Variants in TMEM117 observed in about 807,000 individuals in gnomAD.
TMEM117 encodes the protein transmembrane protein 117.
TMEM117 carries 27 observed loss-of-function variants against 52.4 expected under a neutral mutation model. The observed-to-expected ratio is 0.51, with a 90% CI of 0.38 to 0.71. The LOEUF (loss-of-function observed/expected upper bound fraction) is 0.71, where lower values mean the gene tolerates loss of function less well. Among genes scored for constraint, TMEM117 ranks in the 30% least tolerant of loss-of-function variants. The pLI is 0.00. For synonymous variants in TMEM117, 215 were observed against 206.3 expected (o/e 1.04, Z -0.36); for missense variants, 556 against 630.5 (o/e 0.88, Z 1.26).
At chr12:43,996,434 G>C (rs913623794) in intron 3 of TMEM117, among the ~76,000 whole-genome samples, 3 of 152,084 alleles carry the variant, frequency 2.0e-5, no homozygotes, top group Admixed American at 6.6e-5. Flanking sequence ...ACAAGGTCAG[G>C]AGATCAAGAC....
At chr12:44,102,998 GTT>G (rs1219072634) in intron 3 of TMEM117, among the ~76,000 whole-genome samples, 1 of 151,948 alleles carries the variant, frequency 6.6e-6, no homozygotes, top group Non-Finnish European at 1.5e-5. Context: ...ATGATTGTAA[GTT>G]TCCTGAGGCC....
intron 5 of TMEM117, among the ~76,000 whole-genome samples, chr12:44,277,761 C>CCT (rs1163250166): frequency 1.0e-5 from 1 of 95,504 alleles, no homozygotes; most frequent in African/African-American, 4.5e-5. Context: ...AAACTCTGAG[C>CCT]TTTTTTTTTT....
rs1944457503 is a variant in TMEM117, at chr12:43,909,594, C to A, written c.278-34616C>A. 4.6e-5 allele frequency among the ~76,000 whole-genome samples: 7 copies of A among 150,788 alleles called. No individual in the cohort carries two copies. In the South Asian group the frequency reaches 1.5e-3, roughly 32 times the overall value. On this transcript the variant is annotated intron_variant, in intron 2 of 7. Transcript: ENST00000266534. ...TGAAAGGATCAACAAAATTGATAGA[C>A]CGCTAGCAAGACTAATAAAGAAAAA...
intron 5 of TMEM117, among the ~76,000 whole-genome samples, chr12:44,216,005 C>CTTTTTTTTTTTTTTTTTTTTTTT (rs778425747): frequency 7.2e-5 from 8 of 110,840 alleles, no homozygotes; most frequent in South Asian, 3.0e-4. Context: ...TTCTTTCTTT[C>CTTTTTTTTTTTTTTTTTTTTTTT]TTTTTTTTTT....
chr12:44,017,258 G>C (rs1946386621), intron 3 of TMEM117, among the ~76,000 whole-genome samples: 1 of 93,510 alleles, frequency 1.1e-5, no homozygotes. Flanking sequence ...TGTGTTTTAG[G>C]TGATAAATAA....
intron 2 of TMEM117, among the ~76,000 whole-genome samples, chr12:43,871,137 C>T (rs1159621160): frequency 6.7e-6 from 1 of 148,942 alleles, no homozygotes. Flanking sequence ...GAGTCTTGCT[C>T]TGTCGCCCAG....
At chr12:44,262,697 C>T (rs1409797068) in intron 5 of TMEM117, among the ~76,000 whole-genome samples, 1 of 152,176 alleles carries the variant, frequency 6.6e-6, no homozygotes, top group Non-Finnish European at 1.5e-5. Flanking sequence ...AGCGATTCTC[C>T]TGCCTCAGCC....
At chr12:44,001,975 G>A (rs1250522931) in intron 3 of TMEM117, among the ~76,000 whole-genome samples, 1 of 152,148 alleles carries the variant, frequency 6.6e-6, no homozygotes, top group Non-Finnish European at 1.5e-5. Context: ...CAATCAGACT[G>A]TATACAGGGA....
chr12:44,193,274 A>G (rs1477387064), intron 4 of TMEM117, among the ~76,000 whole-genome samples: 2 of 152,204 alleles, frequency 1.3e-5, no homozygotes, highest in South Asian at 2.1e-4. Context: ...AACAGCAACA[A>G]TTTCCCAATA....
intron 6 of TMEM117, among the ~76,000 whole-genome samples, chr12:44,304,491 G>A (rs980739485): frequency 6.6e-6 from 1 of 152,294 alleles, no homozygotes; most frequent in Non-Finnish European, 1.5e-5. Context: ...ACCAGCCAGG[G>A]TGGCCAAGGG....
chr12:43,960,869 A>ACAT (rs1335351354), intron 3 of TMEM117, among the ~76,000 whole-genome samples: 2 of 152,220 alleles, frequency 1.3e-5, no homozygotes, highest in East Asian at 1.9e-4. Flanking sequence ...ACTATTCCTG[A>ACAT]CATCATCATC....
chr12:43,864,689 C>G (rs1353420306), intron 2 of TMEM117, among the ~76,000 whole-genome samples: 1 of 152,268 alleles, frequency 6.6e-6, no homozygotes, highest in East Asian at 1.9e-4. Context: ...ACAGACCAAT[C>G]AGCTCTCTGT....
At chr12:44,217,820 A>G (rs1949737511) in intron 5 of TMEM117, among the ~76,000 whole-genome samples, 1 of 152,226 alleles carries the variant, frequency 6.6e-6, no homozygotes. Context: ...CCTTATTTAT[A>G]TATTTGTTCA....
chr12:44,035,234 A>T (rs1401400273), intron 3 of TMEM117, among the ~76,000 whole-genome samples: 1 of 152,184 alleles, frequency 6.6e-6, no homozygotes, highest in African/African-American at 2.4e-5. Flanking sequence ...TACAGTAAGG[A>T]TGCAAATGAA....
intron 2 of TMEM117, among the ~76,000 whole-genome samples, chr12:43,935,870 T>C (rs537107415): frequency 1.3e-5 from 2 of 152,210 alleles, no homozygotes; most frequent in African/African-American, 4.8e-5. Flanking sequence ...GAGCAGTTAG[T>C]TGAGTTATGG....
chr12:44,229,593 A>G (rs908764539), intron 5 of TMEM117, among the ~76,000 whole-genome samples: 3 of 152,024 alleles, frequency 2.0e-5, no homozygotes, highest in East Asian at 3.9e-4. Context: ...TCTTTGCCCC[A>G]CTTCTCACCT....
rs148932150 is a variant in TMEM117 at position 43,876,631 on chromosome 12, C to T, written c.277+31703C>T. Reference sequence around the variant, plus strand: ...AACCTGTCCTGTCTACCTTCTGAAGCTCCCCTCCCCTCACCTTTTCTGAGC... The same window carrying T: ...AACCTGTCCTGTCTACCTTCTGAAGTTCCCCTCCCCTCACCTTTTCTGAGC... On this transcript the variant is annotated intron_variant, in intron 2 of 7. Coordinates refer to ENST00000266534, the MANE Select transcript of TMEM117 (RefSeq NM_032256.3). Among the ~76,000 whole-genome samples, 9 of 152,222 alleles carry T rather than the reference C, an allele frequency of 5.9e-5. No homozygotes were observed. The East Asian group carries it at 1.7e-3, about 29-fold the overall frequency.
At chr12:44,020,983 G>T (rs548599087) in intron 3 of TMEM117, among the ~76,000 whole-genome samples, 1 of 152,108 alleles carries the variant, frequency 6.6e-6, no homozygotes, top group East Asian at 1.9e-4. Context: ...GTGAAATCAG[G>T]GTAATGAAGT....
chr12:44,062,301 C>T (rs1398028130), intron 3 of TMEM117, among the ~76,000 whole-genome samples: 1 of 152,138 alleles, frequency 6.6e-6, no homozygotes, highest in Non-Finnish European at 1.5e-5. Context: ...AGCTATGCTT[C>T]AAATTATATC....
Sources: allele counts gnomAD v4.1 joint callset (sites outside exome capture counted in the v4.1 genomes callset), GRCh38; gene constraint gnomAD v4.1.1; transcripts MANE v1.5; gene names NCBI Gene and HGNC (gene_info 2026-07-23, HGNC 2026-07-21).